MYOM1: variants seen among roughly 807,000 people sequenced by gnomAD.
MYOM1 encodes myomesin 1.
In MYOM1, 164 loss-of-function variants were observed where a neutral mutation model predicts 205.3. The observed-to-expected ratio is 0.80, with a 90% CI of 0.70 to 0.91. The LOEUF (loss-of-function observed/expected upper bound fraction) is 0.91. Ranked by LOEUF, MYOM1 falls within the 40% of genes least tolerant of loss-of-function variation. MYOM1 has a pLI of 0.00. For synonymous variants in MYOM1, 772 were observed against 789.4 expected (o/e 0.98, Z 0.37); for missense variants, 2,011 against 2,127.3 (o/e 0.95, Z 1.08).
chr18:3,187,021 G>A (rs1471559017), intron 5 of MYOM1, among the ~76,000 whole-genome samples: 3 of 152,128 alleles, frequency 2.0e-5, no homozygotes, highest in Non-Finnish European at 4.4e-5. Context: ...GGCACATTGA[G>A]GCCTCAGCTC....
At chr18:3,196,728 T>C (rs1451098986) in intron 2 of MYOM1, among the ~76,000 whole-genome samples, 1 of 152,220 alleles carries the variant, frequency 6.6e-6, no homozygotes, top group Non-Finnish European at 1.5e-5. Flanking sequence ...ATACATATCC[T>C]GGTGTGTAGG....
intron 18 of MYOM1, among the ~76,000 whole-genome samples, chr18:3,128,723 C>T (rs2079831449): frequency 6.7e-6 from 1 of 150,310 alleles, no homozygotes; most frequent in African/African-American, 2.4e-5. Context: ...TTTAATTTTC[C>T]AGTGTTGATT....
At chr18:3,113,205 CAT>C (rs1211049161) in intron 21 of MYOM1, among the ~76,000 whole-genome samples, 181 of 4,414 alleles carry the variant, frequency 0.041, 28 homozygotes, top group African/African-American at 0.051. Flanking sequence ...TATATACACA[CAT>C]GTATATATAT....
intron 13 of MYOM1, among the ~76,000 whole-genome samples, chr18:3,146,818 G>C (rs1235829885): frequency 4.6e-5 from 7 of 151,584 alleles, no homozygotes; most frequent in Non-Finnish European, 8.8e-5. Flanking sequence ...AAAGGAAGAA[G>C]TTAATTTATC....
At chr18:3,234,455 A>G in the MYOM1 span, among the ~76,000 whole-genome samples, 1 of 152,356 alleles carries the variant, frequency 6.6e-6, no homozygotes, top group East Asian at 1.9e-4. Context: ...GACATGTTAC[A>G]AGATTGTGGA....
chr18:3,084,583 T>A (rs565693069), intron 31 of MYOM1, among the ~76,000 whole-genome samples: 3 of 152,238 alleles, frequency 2.0e-5, no homozygotes, highest in South Asian at 2.1e-4. Context: ...GGAGTTCCCA[T>A]GTAGATTTTC....
chr18:3,237,963 T>A, the MYOM1 span, among the ~76,000 whole-genome samples: 1 of 152,202 alleles, frequency 6.6e-6, no homozygotes, highest in Non-Finnish European at 1.5e-5. Flanking sequence ...GAAGACGATA[T>A]TTCCAGGGAC....
At chr18:3,246,248 T>C in the MYOM1 span, 1 of 152,066 alleles carries the variant, frequency 6.6e-6, no homozygotes, top group African/African-American at 2.4e-5. Flanking sequence ...GCTCGCAAGC[T>C]CCAGGAACAA....
chr18:3,191,882 G>A (rs551584944), intron 3 of MYOM1, among the ~76,000 whole-genome samples: 1 of 151,986 alleles, frequency 6.6e-6, no homozygotes. Context: ...ATTTTTAGTA[G>A]AGACCGGGTT....
chr18:3,141,182 C>A (rs1385908675), intron 14 of MYOM1, among the ~76,000 whole-genome samples: 1 of 152,178 alleles, frequency 6.6e-6, no homozygotes, highest in Non-Finnish European at 1.5e-5. Context: ...TGAGTCAGTT[C>A]TGCCGAAATA....
chr18:3,135,212 A>G lies in MYOM1; in HGVS notation c.2209+335T>C, dbSNP rs1437108297. 3.5e-5 allele frequency: 10 copies of G among 284,860 alleles called. No individual in the cohort carries two copies. Among genetic ancestry groups the G allele is most frequent in the Non-Finnish European group, 5.3e-5 (8 of 150,128 alleles). 17.6% of individuals were successfully genotyped at this position (284,860 alleles called of 1,614,324 possible). ...TGATCTGCCTGCCTCGGCCTCCCAA[A>G]GTGCTCAGATTACAGACATGAGCCA... On this transcript the variant is annotated intron_variant, in intron 15 of 37. Transcript: ENST00000356443. This position sits in a 1 kb window ranked among gnomAD's most constrained non-coding sequence, Gnocchi z 4.1.
At chr18:3,199,723 C>T (rs1003580170) in intron 2 of MYOM1, among the ~76,000 whole-genome samples, 1 of 152,148 alleles carries the variant, frequency 6.6e-6, no homozygotes, top group Non-Finnish European at 1.5e-5. Context: ...GCCTATAGTC[C>T]CAGCTACTCT....
chr18:3,145,309 CAA>C (rs543810626), intron 13 of MYOM1, among the ~76,000 whole-genome samples: 44 of 124,578 alleles, frequency 3.5e-4, no homozygotes, highest in African/African-American at 1.1e-3. Context: ...GACTCCATCT[CAA>C]AAAAAAAAAA....
At chr18:3,123,416 TAATA>T (rs1403548386) in intron 19 of MYOM1, among the ~76,000 whole-genome samples, 2 of 152,074 alleles carry the variant, frequency 1.3e-5, no homozygotes, top group Non-Finnish European at 2.9e-5. Context: ...TCGTCTCTAT[TAATA>T]AATAACAAAT....
intron 5 of MYOM1, among the ~76,000 whole-genome samples, chr18:3,183,892 CA>C (rs1214443319): frequency 7.9e-5 from 12 of 150,960 alleles, no homozygotes. Flanking sequence ...TCCAGTGAAT[CA>C]TTTTTCGTTC....
intron 14 of MYOM1, among the ~76,000 whole-genome samples, chr18:3,137,975 C>G (rs2079994049): frequency 6.6e-6 from 1 of 152,094 alleles, no homozygotes; most frequent in African/African-American, 2.4e-5. Context: ...AAAAGATGTT[C>G]TCTTTTTTTG....
At chr18:3,226,407 G>GAGCCT in the MYOM1 span, among the ~76,000 whole-genome samples, 2 of 152,034 alleles carry the variant, frequency 1.3e-5, no homozygotes, top group Non-Finnish European at 2.9e-5. This position sits in a 1 kb window ranked among gnomAD's most constrained non-coding sequence, Gnocchi z 4.6. Flanking sequence ...TTCACCCTAT[G>GAGCCT]AGCCTCCATA....
chr18:3,247,198 G>A, the MYOM1 span: 2 of 152,314 alleles, frequency 1.3e-5, no homozygotes, highest in Non-Finnish European at 2.9e-5. Flanking sequence ...AGATAGTGGA[G>A]GCTTGGCTGA....
intron 2 of MYOM1, among the ~76,000 whole-genome samples, chr18:3,206,327 C>T (rs73937003): frequency 2.0e-5 from 3 of 152,228 alleles, no homozygotes; most frequent in African/African-American, 4.8e-5. Flanking sequence ...CACATATATG[C>T]GAAATGCTCA....
Sources: allele counts gnomAD v4.1 joint callset (sites outside exome capture counted in the v4.1 genomes callset), GRCh38; gene constraint gnomAD v4.1.1; non-coding constraint Gnocchi (gnomAD v3.1); transcripts MANE v1.5; gene names NCBI Gene and HGNC (gene_info 2026-07-23, HGNC 2026-07-21).